The following HFE variants were observed in gnomAD, a reference collection of about 807,000 sequenced individuals.
HFE encodes homeostatic iron regulator.
Under a neutral mutation model 40.9 loss-of-function variants are expected in HFE, and 36 were observed. That is an observed-to-expected ratio of 0.88 (90% CI 0.67 to 1.16). The LOEUF is 1.16. Ranked by LOEUF, HFE falls within the 50% of genes most tolerant of loss-of-function variation. HFE has a pLI of 0.00. For synonymous variants in HFE, 157 were observed against 165.4 expected (o/e 0.95, Z 0.39); for missense variants, 376 against 432.0 (o/e 0.87, Z 1.15).
chr6:26,094,697 C>A lies in HFE; in HGVS notation c.*471C>A. On this transcript the variant is annotated 3_prime_UTR_variant, in exon 6 of 6. Coordinates refer to ENST00000357618, the MANE Select transcript of HFE (RefSeq NM_000410.4). Reference sequence around the variant, plus strand: ...CATTTTCTGGACCCGTTCAACTTTTCCTTTGAATCCTCTCTCTGTGTTACC... The same window carrying A: ...CATTTTCTGGACCCGTTCAACTTTTACTTTGAATCCTCTCTCTGTGTTACC... 1.9e-6 allele frequency: 1 copy of A among 514,718 alleles called. No homozygotes were observed. The highest frequency in any genetic ancestry group is 2.1e-5 in the South Asian group (1 of 46,826). 31.9% of individuals were successfully genotyped at this position (514,718 alleles called of 1,614,324 possible).
At chr6:26,090,467 A>AAAAC (rs1273974398) in intron 1 of HFE, among the ~76,000 whole-genome samples, 2 of 151,166 alleles carry the variant, frequency 1.3e-5, no homozygotes, top group South Asian at 2.1e-4. Context: ...AAAAAAAAAA[A>AAAAC]AAAACTGAAG....
chr6:26,092,783 T>C lies in HFE; in HGVS notation c.715T>C (p.Trp239Arg), dbSNP rs1227507479. ...CTACCCCCAGAACATCACCATGAAG[T>C]GGCTGAAGGATAAGCAGCCAATGGA... ...NYYPQNITMKWLKDKQPMDAK... is the reference protein window; with the variant it reads ...NYYPQNITMKRLKDKQPMDAK... The change falls in exon 4 of 6, where the codon TGG becomes CGG. Residue 239 changes from tryptophan to arginine, a missense_variant. Coordinates refer to ENST00000357618, the MANE Select transcript of HFE (RefSeq NM_000410.4). 1 of 1,614,208 alleles carries C rather than the reference T, an allele frequency of 6.2e-7. No individual in the cohort carries two copies. Among genetic ancestry groups the C allele is most frequent in the Non-Finnish European group, 8.5e-7 (1 of 1,180,036 alleles).
chr6:26,095,759 G>A lies in HFE; in HGVS notation c.*1533G>A, dbSNP rs1291276754. On this transcript the variant is annotated 3_prime_UTR_variant, in exon 6 of 6. Transcript: ENST00000357618. ...GAAAACAACCAACTGATCCTCAGCT[G>A]TCATGTTTCCTTTAAAAGTCCCTGA... is the stretch of plus-strand genomic sequence containing the variant. 6.6e-6 allele frequency: 1 copy of A among 152,214 alleles called. No individual in the cohort carries two copies. The highest frequency in any genetic ancestry group is 1.5e-5 in the Non-Finnish European group (1 of 68,036). 9.4% of individuals were successfully genotyped at this position (152,214 alleles called of 1,614,324 possible).
chr6:26,091,248 T>C lies in HFE; in HGVS notation c.341-66T>C, dbSNP rs201397552. ...TTTGCTTCCTGAGATCATTTGGTCC[T>C]TGGGGATGGTGGAAATAGGGACCTA... On this transcript the variant is annotated intron_variant, in intron 2 of 5. Coordinates refer to ENST00000357618, the MANE Select transcript of HFE (RefSeq NM_000410.4). 1.5e-5 allele frequency: 24 copies of C among 1,611,430 alleles called. No homozygotes were observed. The African/African-American group carries it at 2.8e-4, about 19-fold the overall frequency.
chr6:26,091,944 C>T (rs977165875), intron 3 of HFE, among the ~76,000 whole-genome samples: 4 of 151,734 alleles, frequency 2.6e-5, no homozygotes, highest in Non-Finnish European at 4.4e-5. Context: ...TTTGGGAGGC[C>T]GAGGCGGGTG....
chr6:26,093,315 A>G, intron 5 of HFE, 83 bp downstream of exon 5: 3 of 942,438 alleles, frequency 3.2e-6, no homozygotes. Context: ...TCTGGCATCC[A>G]TGGGAAGCAT....
intron 2 of HFE, 78 bp downstream of exon 2, chr6:26,091,182 G>A: frequency 6.2e-7 from 1 of 1,604,778 alleles, no homozygotes; most frequent in Non-Finnish European, 8.5e-7. Context: ...GGAAACAGCT[G>A]GAAGTCTGAG....
rs1313557727 is a variant in HFE, at chr6:26,090,867, ATGGG to A, written c.106_109del (p.Gly36ProfsTer51). On this transcript the variant is annotated frameshift_variant, in exon 2 of 6. Transcript: ENST00000357618. LOFTEE classifies it high-confidence loss of function. Reference sequence around the variant, plus strand: ...TTCACACTCTCTGCACTACCTCTTCATGGGTGCCTCAGAGCAGGACCTTGGTCTT... The same window carrying A: ...TTCACACTCTCTGCACTACCTCTTCATGCCTCAGAGCAGGACCTTGGTCTT... 3 of 1,614,014 alleles carry A rather than the reference ATGGG, an allele frequency of 1.9e-6. No homozygotes were observed. The Admixed American group carries it at 5.0e-5, about 27-fold the overall frequency.
At chr6:26,092,387 C>T (rs770880084) in intron 3 of HFE, among the ~76,000 whole-genome samples, 18 of 152,056 alleles carry the variant, frequency 1.2e-4, no homozygotes, top group Admixed American at 3.9e-4. Flanking sequence ...GTGAAACTGA[C>T]CATCTGTATT....
chr6:26,094,346 C>A lies in HFE; in HGVS notation c.*120C>A. ...GAACCTAAACATAGAAATTGCCTGA[C>A]GAACTCCTTGATTTTAGCCTTCTCT... On this transcript the variant is annotated 3_prime_UTR_variant, in exon 6 of 6. Coordinates refer to ENST00000357618, the MANE Select transcript of HFE (RefSeq NM_000410.4). 3 of 926,224 alleles carry A rather than the reference C, an allele frequency of 3.2e-6. No homozygotes were observed. Among genetic ancestry groups the A allele is most frequent in the Non-Finnish European group, 5.2e-6 (3 of 577,542 alleles). The allele number at this position is 926,224 out of a possible 1,614,324, so 57.4% of individuals were successfully genotyped here.
chr6:26,087,695 C>G (rs1215079520), intron 1 of HFE, among the ~76,000 whole-genome samples, 179 bp downstream of exon 1: 2 of 152,212 alleles, frequency 1.3e-5, no homozygotes, highest in East Asian at 3.8e-4. Context: ...CACTGAACTG[C>G]AGATAGGGGT....
chr6:26,089,104 T>TGGGGGGGGGG (rs1762482257), intron 1 of HFE, among the ~76,000 whole-genome samples: 1 of 17,676 alleles, frequency 5.7e-5, no homozygotes, highest in African/African-American at 4.2e-4. Flanking sequence ...CATGTGTGTG[T>TGGGGGGGGGG]GTGTGGGGGG....
intron 1 of HFE, among the ~76,000 whole-genome samples, chr6:26,089,500 C>A (rs150625387): frequency 1.3e-5 from 2 of 152,206 alleles, no homozygotes; most frequent in African/African-American, 4.8e-5. Context: ...ACAGTAAAAG[C>A]AGGGAGCCCA....
chr6:26,088,911 T>C (rs1001459567), intron 1 of HFE, among the ~76,000 whole-genome samples: 2 of 152,068 alleles, frequency 1.3e-5, no homozygotes, highest in Non-Finnish European at 2.9e-5. Flanking sequence ...CAGAAAGATA[T>C]ACAACATCAG....
rs148161858 is a variant in HFE, at chr6:26,087,508, G to A, written c.68G>A (p.Arg23His). 6.3e-4 allele frequency: 1,017 copies of A among 1,612,782 alleles called. 5 individuals carry two copies. Among genetic ancestry groups the A allele is most frequent in the South Asian group, 2.1e-3 (191 of 91,044 alleles). Residue 23 changes from arginine (R) to histidine (H), a missense_variant, in exon 1 of 6, where the codon CGC (arginine) becomes CAC (histidine). Coordinates refer to ENST00000357618, the MANE Select transcript of HFE (RefSeq NM_000410.4). ...MLLQTAVLQG[R>H]LLRSHSLHYL... ...TTGCAGACCGCGGTCCTGCAGGGGC[G>A]CTTGCTGCGTGAGTCCGAGGGCTGC...
rs1421392545 is a variant in HFE, at chr6:26,095,583, CTCAG to C, written c.*1361_*1364del. 1.3e-5 allele frequency: 2 copies of C among 151,992 alleles called. No individual in the cohort carries two copies. The highest frequency in any genetic ancestry group is 4.8e-5 in the African/African-American group (2 of 41,374). 9.4% of individuals were successfully genotyped at this position (151,992 alleles called of 1,614,324 possible). ...GTCAGTGATAGAAACAGGTTTCAAACTCAGTCAATCTGACCGTTTGATACATCTC... is the reference window on the plus strand; with the variant it reads ...GTCAGTGATAGAAACAGGTTTCAAACTCAATCTGACCGTTTGATACATCTC... On this transcript the variant is annotated 3_prime_UTR_variant, in exon 6 of 6. Coordinates refer to ENST00000357618, the MANE Select transcript of HFE (RefSeq NM_000410.4).
intron 1 of HFE, among the ~76,000 whole-genome samples, chr6:26,089,274 C>G (rs1762510537): frequency 6.6e-6 from 1 of 152,176 alleles, no homozygotes; most frequent in South Asian, 2.1e-4. Flanking sequence ...TAGACAAACT[C>G]CTGGTTAAGA....
At chr6:26,090,729 C>A (rs1015275853) in intron 1 of HFE, 112 bp from the exon 2 acceptor site, 12 of 1,166,974 alleles carry the variant, frequency 1.0e-5, no homozygotes, top group Admixed American at 1.7e-5. Flanking sequence ...TCACCCTTCA[C>A]AAAATGAGGA....
rs1254979027 is a variant in HFE at position 26,094,821 on chromosome 6, C to T, written c.*595C>T. On this transcript the variant is annotated 3_prime_UTR_variant, in exon 6 of 6. Coordinates refer to ENST00000357618, the MANE Select transcript of HFE (RefSeq NM_000410.4). ...CTGTACACTGCACGAATGGAAGAGG[C>T]ACCTGTCCCAGAAAAAGCATCATGG... 1.9e-5 allele frequency: 4 copies of T among 212,142 alleles called. No individual in the cohort carries two copies. Among genetic ancestry groups the T allele is most frequent in the East Asian group, 1.1e-4 (1 of 8,918 alleles). 13.1% of individuals were successfully genotyped at this position (212,142 alleles called of 1,614,324 possible). A position where few individuals can be genotyped will look rare whatever the true frequency, so the allele number is the denominator to read the frequency against.
Sources: allele counts gnomAD v4.1 joint callset (sites outside exome capture counted in the v4.1 genomes callset), GRCh38; gene constraint gnomAD v4.1.1; transcripts MANE v1.5; gene names NCBI Gene and HGNC (gene_info 2026-07-23, HGNC 2026-07-21).